The following TBC1D14 variants were observed in gnomAD, a reference collection of about 807,000 sequenced individuals.
TBC1D14 encodes the protein TBC1 domain family member 14, also known as TBC1 domain family, member 14.
In TBC1D14, 26 loss-of-function variants were observed where a neutral mutation model predicts 79.0. The ratio of observed to expected loss-of-function variants is 0.33; its 90% CI spans 0.24 to 0.46. The LOEUF is 0.46. TBC1D14 is among the 20% of genes least tolerant of loss of function. The probability of loss-of-function intolerance (pLI) is 1.00; values close to 1 mark genes in which losing one functional copy is unlikely to be tolerated. For missense variants in TBC1D14, 769 were observed against 887.6 expected (o/e 0.87, Z 1.70); for synonymous variants, 394 against 349.9 (o/e 1.13, Z -1.40).
intron 2 of TBC1D14, among the ~76,000 whole-genome samples, chr4:6,929,304 T>C (rs1711529817): frequency 6.6e-6 from 1 of 151,892 alleles, no homozygotes; most frequent in East Asian, 1.9e-4. Flanking sequence ...CTAATCAAGG[T>C]GTTGGGCTGC....
chr4:6,977,575 G>A (rs1716870445), intron 3 of TBC1D14, among the ~76,000 whole-genome samples: 1 of 149,608 alleles, frequency 6.7e-6, no homozygotes, highest in African/African-American at 2.5e-5. Flanking sequence ...TCTCTGCCTG[G>A]CCGCCCATCG....
chr4:6,936,480 A>G (rs1417888243), intron 2 of TBC1D14, among the ~76,000 whole-genome samples: 5 of 152,162 alleles, frequency 3.3e-5, no homozygotes, highest in Non-Finnish European at 7.3e-5. Context: ...TCTTTTTAGC[A>G]CTCAATGATG....
At chr4:6,929,950 A>G (rs1281161324) in intron 2 of TBC1D14, among the ~76,000 whole-genome samples, 1 of 152,226 alleles carries the variant, frequency 6.6e-6, no homozygotes. Flanking sequence ...TTGAACATTC[A>G]CTTGTTAACT....
chr4:6,983,583 CAGG>C (rs1033587037), intron 3 of TBC1D14, among the ~76,000 whole-genome samples: 19 of 152,174 alleles, frequency 1.2e-4, no homozygotes, highest in African/African-American at 4.6e-4. Context: ...ACAGGTCTAT[CAGG>C]AGATTATCCC....
chr4:6,989,379 TG>T, intron 3 of TBC1D14, among the ~76,000 whole-genome samples: 1 of 152,332 alleles, frequency 6.6e-6, no homozygotes, highest in African/African-American at 2.4e-5. Context: ...GTTCAAATCC[TG>T]GTGCTAGCCT....
At chr4:6,935,352 C>A (rs184529761) in intron 2 of TBC1D14, among the ~76,000 whole-genome samples, 14 of 152,118 alleles carry the variant, frequency 9.2e-5, no homozygotes, top group African/African-American at 3.1e-4. Flanking sequence ...AAGAGAGAAT[C>A]ACTGGAGCTT....
intron 12 of TBC1D14, among the ~76,000 whole-genome samples, chr4:7,015,458 G>A (rs1035923938): frequency 6.6e-6 from 1 of 152,166 alleles, no homozygotes; most frequent in African/African-American, 2.4e-5. Context: ...GACTTCAGAT[G>A]GGTGATTTTG....
chr4:6,999,408 CCTT>C (rs1410614086), intron 6 of TBC1D14, among the ~76,000 whole-genome samples: 5 of 152,086 alleles, frequency 3.3e-5, no homozygotes, highest in African/African-American at 4.8e-5. Context: ...TTCCAGTTCA[CCTT>C]CTTCTCATCT....
chr4:7,022,425 TG>T (rs1267325035), intron 12 of TBC1D14, among the ~76,000 whole-genome samples: 1 of 152,250 alleles, frequency 6.6e-6, no homozygotes, highest in African/African-American at 2.4e-5. Flanking sequence ...AGGTGAAGAA[TG>T]CCAGGGCCTC....
chr4:7,006,583 T>C (rs1264518228), intron 8 of TBC1D14, 49 bp from the exon 9 acceptor site: 1 of 1,541,280 alleles, frequency 6.5e-7, no homozygotes, highest in African/African-American at 1.4e-5. Context: ...GTAATTGTCC[T>C]ACATTCGTGC....
At chr4:6,977,473 ACCT>A (rs1296037099) in intron 3 of TBC1D14, among the ~76,000 whole-genome samples, 2 of 142,282 alleles carry the variant, frequency 1.4e-5, no homozygotes, top group Non-Finnish European at 3.1e-5. Flanking sequence ...GCTCGCTACA[ACCT>A]CCACCTCCCA....
intron 2 of TBC1D14, among the ~76,000 whole-genome samples, chr4:6,956,890 C>T (rs913859833): frequency 6.6e-6 from 1 of 152,240 alleles, no homozygotes; most frequent in Admixed American, 6.5e-5. Context: ...TAGAAGCGAA[C>T]AAAGGTGGCC....
intron 12 of TBC1D14, among the ~76,000 whole-genome samples, chr4:7,023,427 A>T (rs1722025644): frequency 1.3e-5 from 2 of 152,210 alleles, no homozygotes; most frequent in Admixed American, 1.3e-4. Flanking sequence ...CATAGTGTTA[A>T]CAAGCATGCT....
intron 2 of TBC1D14, among the ~76,000 whole-genome samples, chr4:6,938,909 G>C (rs923692500): frequency 1.3e-5 from 2 of 152,202 alleles, no homozygotes. Context: ...AAGAGTATCC[G>C]TCCCGGCTGC....
At chr4:6,958,150 G>A (rs182577213) in intron 2 of TBC1D14, among the ~76,000 whole-genome samples, 3 of 152,280 alleles carry the variant, frequency 2.0e-5, no homozygotes, top group Admixed American at 1.3e-4. Context: ...TGAACACAGC[G>A]CCAGGTGTGG....
In TBC1D14 at chr4:6,955,478, T is replaced by C. The variant is rs538653549; in HGVS notation, c.723-11826T>C. ...GGTGCAGCACTAGGCAGGCACCTGATAGTGCCCTGCACCAGGTAACTATGC... is the reference window on the plus strand; with the variant it reads ...GGTGCAGCACTAGGCAGGCACCTGACAGTGCCCTGCACCAGGTAACTATGC... On this transcript the variant is annotated intron_variant, in intron 2 of 13. Transcript: ENST00000409757. 7.2e-5 allele frequency among the ~76,000 whole-genome samples: 11 copies of C among 152,270 alleles called. No individual in the cohort carries two copies. The East Asian group carries it at 1.9e-3, about 27-fold the overall frequency.
At chr4:6,955,239 T>C (rs970011071) in intron 2 of TBC1D14, among the ~76,000 whole-genome samples, 2 of 151,708 alleles carry the variant, frequency 1.3e-5, no homozygotes, top group African/African-American at 4.8e-5. Flanking sequence ...TTTTGGGGGG[T>C]GGAGATCTGG....
At chr4:6,996,469 A>T in intron 5 of TBC1D14, 62 bp downstream of exon 5, 4 of 1,308,200 alleles carry the variant, frequency 3.1e-6, no homozygotes, top group South Asian at 1.3e-5. Flanking sequence ...CTTTCTGGTT[A>T]TTTTCTTTTT....
chr4:6,941,036 G>C (rs1712854467), intron 2 of TBC1D14, among the ~76,000 whole-genome samples: 1 of 152,170 alleles, frequency 6.6e-6, no homozygotes, highest in East Asian at 1.9e-4. Context: ...ATTTATCTTG[G>C]CTATTAATGA....
Sources: gnomAD v4.1 joint callset for allele counts (sites outside exome capture counted in the v4.1 genomes callset) on GRCh38, gnomAD v4.1.1 for gene constraint, MANE v1.5 for transcripts, NCBI Gene and HGNC (gene_info 2026-07-23, HGNC 2026-07-21) for gene names.